Variants in HTT observed in about 807,000 individuals in gnomAD.
The protein encoded by HTT is huntington disease protein.
A neutral mutation model predicts 362.3 loss-of-function variants in HTT; 104 were observed. That is an observed-to-expected ratio of 0.29 (90% CI 0.24 to 0.34). The LOEUF (loss-of-function observed/expected upper bound fraction) is 0.34, where lower values mean the gene tolerates loss of function less well. Ranked by LOEUF, HTT falls within the 10% of genes least tolerant of loss-of-function variation. HTT has a pLI of 1.00. For synonymous variants in HTT, 1,577 were observed against 1,548.7 expected (o/e 1.02, Z -0.43); for missense variants, 3,301 against 3,928.6 (o/e 0.84, Z 4.27).
chr4:3,153,947 C>G (rs75424026), intron 26 of HTT, among the ~76,000 whole-genome samples: 3,681 of 152,220 alleles, frequency 0.024, 118 homozygotes, highest in African/African-American at 0.069. Flanking sequence ...CTTTGTACCC[C>G]TTTCATGTCA....
intron 61 of HTT, among the ~76,000 whole-genome samples, chr4:3,233,612 G>A (rs973485595): frequency 6.6e-6 from 1 of 152,132 alleles, no homozygotes. Flanking sequence ...ACTCTCCCAC[G>A]TGCCCATTCC....
At chr4:3,233,387 G>A (rs369347470) in intron 61 of HTT, 34 bp downstream of exon 61, 13 of 1,565,280 alleles carry the variant, frequency 8.3e-6, no homozygotes, top group South Asian at 4.5e-5. Context: ...TGGGGCGGGG[G>A]TCTCAGAATG....
chr4:3,205,757 C>G (rs919797882), intron 42 of HTT, among the ~76,000 whole-genome samples: 1 of 152,058 alleles, frequency 6.6e-6, no homozygotes. Context: ...ACTTCTGATC[C>G]CAAACATTTC....
At position 3,177,379 on chromosome 4, in the gene HTT, C is replaced by T. The variant is rs369637161; in HGVS notation, c.4455C>T (p.Gly1485=). 3.1e-6 allele frequency: 5 copies of T among 1,590,374 alleles called. No individual in the cohort carries two copies. The African/African-American group carries it at 5.4e-5, about 17-fold the overall frequency. ...AACAGTTTGAATACATTGAAGTGGG[C>T]CAGTTCAGGTAATAGCATTTTATTA... ...VLKQFEYIEV[G]QFRESEAIIP... is the part of the protein sequence containing the mutation. The change falls in exon 34 of 67, where the codon GGC becomes GGT. Residue 1485 remains glycine, a synonymous_variant. Coordinates refer to ENST00000355072, the MANE Select transcript of HTT (RefSeq NM_001388492.1).
rs779011165 is a variant in HTT at position 3,115,309 on chromosome 4, G to A, written c.753G>A (p.Leu251=). 1.2e-6 allele frequency: 2 copies of A among 1,613,900 alleles called. No homozygotes were observed. Among genetic ancestry groups the A allele is most frequent in the East Asian group, 4.5e-5 (2 of 44,888 alleles). ...NFANDNEIKV[L]LKAFIANLKS... is the part of the protein sequence containing the mutation. ...TTGGACTTTTGCTTCCGTAGGTTTT[G>A]TTAAAGGCCTTCATAGCGAACCTGA... Residue 251 remains leucine, a synonymous_variant, in exon 7 of 67, where the codon TTG becomes TTA. Coordinates refer to ENST00000355072, the MANE Select transcript of HTT (RefSeq NM_001388492.1).
Position 3,131,371 on chromosome 4 carries a change from C to T in HTT, c.2072C>T (p.Ser691Leu), listed in dbSNP as rs779467594. Residue 691 changes from serine to leucine, a missense_variant, in exon 15 of 67, where the codon TCG (serine) becomes TTG (leucine). By Grantham distance (145) the Ser-to-Leu change is moderately radical. Around this residue, in one of 4 missense-constraint regions of HTT, gnomAD observed 2,316 missense variants for 2,658.5 expected, o/e 0.87. Coordinates refer to ENST00000355072, the MANE Select transcript of HTT (RefSeq NM_001388492.1). Reference protein sequence around the residue: ...LVHCVRLLSASFLLTGGKNVL... With the variant: ...LVHCVRLLSALFLLTGGKNVL... ...CATTGTGTCCGCCTTTTATCTGCTT[C>T]GTTTTTGCTAACAGGGGGAAAAAAT... 6.2e-6 allele frequency: 10 copies of T among 1,613,880 alleles called. No homozygotes were observed. The highest frequency in any genetic ancestry group is 2.2e-5 in the East Asian group (1 of 44,878).
Position 3,212,717 on chromosome 4 carries a change from G to C in HTT, c.6774+8G>C. 6.2e-6 allele frequency: 10 copies of C among 1,614,172 alleles called. No homozygotes were observed. The South Asian group carries it at 1.1e-4, about 18-fold the overall frequency. On this transcript the variant is annotated splice_region_variant and intron_variant, in intron 49 of 66. Coordinates refer to ENST00000355072, the MANE Select transcript of HTT (RefSeq NM_001388492.1). The stretch of plus-strand genomic sequence containing the variant: ...GTGGTGGCAACCCTTGAGGTAAGAG[G>C]CAGCTCGGGAGCTCAGTGTTGCTGT...
chr4:3,180,303 A>G (rs363130), intron 35 of HTT, among the ~76,000 whole-genome samples: 1,676 of 151,916 alleles, frequency 0.011, 32 homozygotes, highest in African/African-American at 0.039. Context: ...TTCTTTTTTT[A>G]GAAGTCATCA....
chr4:3,138,813 A>G (rs773940322), intron 21 of HTT, among the ~76,000 whole-genome samples: 1 of 152,152 alleles, frequency 6.6e-6, no homozygotes, highest in African/African-American at 2.4e-5. Flanking sequence ...GGGTTTCACC[A>G]TGTTGGCCAG....
Position 3,215,128 on chromosome 4 carries a change from A to G in HTT, c.6971A>G (p.Glu2324Gly), listed in dbSNP as rs1159941145. The G allele has an allele frequency of 6.2e-7, 1 of 1,613,968 alleles. No individual in the cohort carries two copies. Among genetic ancestry groups the G allele is most frequent in the South Asian group, 1.1e-5 (1 of 91,070 alleles). ...ILEAVAVQPG[E>G]QLLSPERRTN... ...ATTTTAGTTGCAGTGCAGCCTGGAG[A>G]GCAGCTTCTTAGTCCAGAAAGAAGG... Residue 2324 changes from glutamate (E) to glycine (G), a missense_variant, in exon 51 of 67, where the codon GAG becomes GGG. Physicochemically the swap from Glu to Gly is moderately conservative, Grantham distance 98 (BLOSUM62 -2). Coordinates refer to ENST00000355072, the MANE Select transcript of HTT (RefSeq NM_001388492.1).
In HTT at chr4:3,222,446, A is replaced by G. The variant is rs758696363; in HGVS notation, c.7429A>G (p.Thr2477Ala). ...GGCCACCCTCCTTGGTGTCCTGGTG[A>G]CGCAGCCCCTCGTGATGGAGCAGGA... is the stretch of plus-strand genomic sequence containing the variant. Reference protein sequence around the residue: ...TWATLLGVLVTQPLVMEQEES... With the variant: ...TWATLLGVLVAQPLVMEQEES... The change falls in exon 54 of 67, where the codon ACG (threonine) becomes GCG (alanine). Residue 2477 changes from threonine to alanine, a missense_variant. By Grantham distance (58) the Thr-to-Ala change is moderately conservative. This residue lies in a region of HTT where 753 missense variants were observed against 1,021.3 expected (regional missense o/e 0.74). Transcript: ENST00000355072. 1 of 1,614,160 alleles carries G rather than the reference A, an allele frequency of 6.2e-7. No individual in the cohort carries two copies. Among genetic ancestry groups the G allele is most frequent in the South Asian group, 1.1e-5 (1 of 91,078 alleles).
At position 3,187,632 on chromosome 4, in the gene HTT, T is replaced by C. The variant is rs770252244; in HGVS notation, c.4990-19T>C. 12 of 1,560,200 alleles carry C rather than the reference T, an allele frequency of 7.7e-6. No individual in the cohort carries two copies. Among genetic ancestry groups the C allele is most frequent in the Admixed American group, 3.4e-5 (2 of 59,150 alleles). On this transcript the variant is annotated intron_variant, in intron 38 of 66. Transcript: ENST00000355072. ...TCCTTTTTTCTTCAGCTGTGACTTA[T>C]GTATTATGTTTATTTTAGGCGTCCG...
At chr4:3,082,839 G>A (rs1560539218) in intron 1 of HTT, among the ~76,000 whole-genome samples, 1 of 152,180 alleles carries the variant, frequency 6.6e-6, no homozygotes, top group Non-Finnish European at 1.5e-5. Flanking sequence ...CCTGCGGAGA[G>A]CTCCCAGCCA....
At chr4:3,157,772 T>TA (rs142056075) in intron 28 of HTT, among the ~76,000 whole-genome samples, 166 of 152,256 alleles carry the variant, frequency 1.1e-3, no homozygotes, top group African/African-American at 3.7e-3. Context: ...TTTTTTTTTT[T>TA]AACTTTAAAA....
intron 51 of HTT, among the ~76,000 whole-genome samples, chr4:3,216,751 C>T (rs1185354323): frequency 1.3e-5 from 2 of 152,110 alleles, no homozygotes; most frequent in African/African-American, 4.8e-5. Context: ...ATAGGCCGGG[C>T]GCGGTGGCTC....
At chr4:3,094,913 C>T (rs1346783452) in intron 2 of HTT, among the ~76,000 whole-genome samples, 1 of 151,840 alleles carries the variant, frequency 6.6e-6, no homozygotes, top group East Asian at 1.9e-4. Flanking sequence ...CAGAGGTGCT[C>T]TTCACATCTC....
chr4:3,156,477 T>G (rs986022086), intron 27 of HTT, among the ~76,000 whole-genome samples: 1 of 152,176 alleles, frequency 6.6e-6, no homozygotes, highest in African/African-American at 2.4e-5. Flanking sequence ...GGAGGAAGAT[T>G]GACCTGTTGA....
At chr4:3,194,509 C>T (rs1392352581) in intron 40 of HTT, among the ~76,000 whole-genome samples, 1 of 152,246 alleles carries the variant, frequency 6.6e-6, no homozygotes, top group Non-Finnish European at 1.5e-5. Flanking sequence ...TTAGAGCTGT[C>T]TGGCCTTGTA....
intron 53 of HTT, among the ~76,000 whole-genome samples, chr4:3,221,237 A>G (rs1211139735): frequency 2.0e-5 from 3 of 152,102 alleles, no homozygotes; most frequent in East Asian, 3.9e-4. Flanking sequence ...CCTTGCCTCT[A>G]CTTTCCCCTT....
Sources: gnomAD v4.1 joint callset for allele counts (sites outside exome capture counted in the v4.1 genomes callset) on GRCh38, gnomAD v4.1.1 for gene constraint, gnomAD v4.1.1 regional missense constraint, MANE v1.5 for transcripts, NCBI Gene and HGNC (gene_info 2026-07-23, HGNC 2026-07-21) for gene names.